Variants in ZNF578 observed in about 807,000 individuals in gnomAD.
ZNF578 encodes the protein zinc finger protein 578.
A neutral mutation model predicts 8.3 loss-of-function variants in ZNF578; 8 were observed. The observed-to-expected ratio is 0.96, with a 90% confidence interval of 0.56 to 1.74. The LOEUF is 1.74. Ranked by LOEUF, ZNF578 falls within the 40% of genes most tolerant of loss-of-function variation. The probability of loss-of-function intolerance (pLI) is 0.00; values close to 1 mark genes in which losing one functional copy is unlikely to be tolerated. For synonymous variants in ZNF578, 206 were observed against 232.2 expected (o/e 0.89, Z 1.03); for missense variants, 726 against 707.5 (o/e 1.03, Z -0.30).
chr19:52,475,396 G>T (rs1316351266), intron 2 of ZNF578, among the ~76,000 whole-genome samples: 4 of 149,158 alleles, frequency 2.7e-5, no homozygotes, highest in African/African-American at 9.9e-5. Context: ...CTGTCGCCCA[G>T]GCTGGAGTGC....
intron 2 of ZNF578, among the ~76,000 whole-genome samples, chr19:52,459,016 AT>A (rs2059248066): frequency 1.3e-5 from 2 of 152,058 alleles, no homozygotes; most frequent in Admixed American, 1.3e-4. Flanking sequence ...AAACTCATAT[AT>A]TTCTTTTGTG....
rs755505914 is a variant in ZNF578, at chr19:52,510,969, T to G, written c.588T>G (p.Ile196Met). The change falls in exon 6 of 6, where the codon ATT (isoleucine) becomes ATG (methionine). Residue 196 changes from isoleucine (I) to methionine (M), a missense_variant. Ile to Met is a conservative substitution (Grantham distance 10). Coordinates refer to ENST00000421239, the MANE Select transcript of ZNF578 (RefSeq NM_001099694.2). Reference sequence around the variant, plus strand: ...CCTCAATTTCAACATCCCAAAGAATTTCTTGTAGGCCTGAAACACATACTC... The same window carrying G: ...CCTCAATTTCAACATCCCAAAGAATGTCTTGTAGGCCTGAAACACATACTC... ...DASSISTSQRISCRPETHTPN... is the reference protein window; with the variant it reads ...DASSISTSQRMSCRPETHTPN... 6.2e-7 allele frequency: 1 copy of G among 1,614,154 alleles called. No individual in the cohort carries two copies. The highest frequency in any genetic ancestry group is 8.5e-7 in the Non-Finnish European group (1 of 1,180,028).
chr19:52,494,337 GA>G (rs927191014), intron 3 of ZNF578, among the ~76,000 whole-genome samples: 3 of 151,176 alleles, frequency 2.0e-5, no homozygotes, highest in Admixed American at 6.6e-5. Flanking sequence ...AAAAAAAAAA[GA>G]AAAAAAAATT....
At chr19:52,465,408 T>G (rs1599883265) in intron 2 of ZNF578, among the ~76,000 whole-genome samples, 1 of 152,286 alleles carries the variant, frequency 6.6e-6, no homozygotes, top group African/African-American at 2.4e-5. Context: ...CTCTGGACTC[T>G]CCTTTTGGCT....
At chr19:52,502,745 AAG>A (rs973859865) in intron 4 of ZNF578, among the ~76,000 whole-genome samples, 2 of 152,100 alleles carry the variant, frequency 1.3e-5, no homozygotes, top group Admixed American at 6.6e-5. Flanking sequence ...TCAAAAGAAA[AAG>A]AGAGGGAGAG....
chr19:52,510,934 A>G lies in ZNF578; in HGVS notation c.553A>G (p.Asn185Asp), dbSNP rs114520799. ...TGCTAATCAAGTGGAGAAGTCTGTCAACGATGCTTCCTCAATTTCAACATC... is the reference window on the plus strand; with the variant it reads ...TGCTAATCAAGTGGAGAAGTCTGTCGACGATGCTTCCTCAATTTCAACATC... ...KIANQVEKSV[N>D]DASSISTSQR... The change falls in exon 6 of 6, where the codon AAC becomes GAC. Residue 185 changes from asparagine (N) to aspartate (D), a missense_variant. By Grantham distance (23) the Asn-to-Asp change is conservative. Transcript: ENST00000421239. The G allele has an allele frequency of 1.5e-3, 2,421 of 1,614,212 alleles. 45 individuals carry two copies. In the African/African-American group the frequency reaches 0.029, roughly 19 times the overall value.
At chr19:52,475,320 C>G (rs1362248396) in intron 2 of ZNF578, 1 of 213,020 alleles carries the variant, frequency 4.7e-6, no homozygotes, top group African/African-American at 2.3e-5. Flanking sequence ...AGTTTTCACA[C>G]CAGAAGAAAT....
At chr19:52,479,867 A>T (rs886811033) in intron 2 of ZNF578, among the ~76,000 whole-genome samples, 4 of 152,186 alleles carry the variant, frequency 2.6e-5, no homozygotes, top group African/African-American at 9.7e-5. Flanking sequence ...CTAATGAAAT[A>T]TAATAGACAG....
chr19:52,511,144 G>A lies in ZNF578; in HGVS notation c.763G>A (p.Gly255Arg). 1 of 1,614,126 alleles carries A rather than the reference G, an allele frequency of 6.2e-7. No homozygotes were observed. Among genetic ancestry groups the A allele is most frequent in the Non-Finnish European group, 8.5e-7 (1 of 1,179,984 alleles). ...AAGGAAACATCAGATAATCCATTTA[G>A]GAGAAAAACAATATAAATTTGATAT... ...FVRKHQIIHL[G>R]EKQYKFDICG... The change falls in exon 6 of 6, where the codon GGA (glycine) becomes AGA (arginine). Residue 255 changes from glycine to arginine, a missense_variant. By Grantham distance (125) the Gly-to-Arg change is moderately radical. Transcript: ENST00000421239.
intron 2 of ZNF578, chr19:52,474,304 A>G (rs2059301337): frequency 6.8e-6 from 2 of 295,022 alleles, no homozygotes; most frequent in Non-Finnish European, 1.4e-5. Context: ...AAACTTTGCC[A>G]CATTCATTAC....
chr19:52,484,441 C>T (rs575100355), intron 2 of ZNF578, among the ~76,000 whole-genome samples: 4 of 152,174 alleles, frequency 2.6e-5, no homozygotes, highest in African/African-American at 4.8e-5. Context: ...TCCCTTCCCA[C>T]GAGGCCATAT....
intron 5 of ZNF578, among the ~76,000 whole-genome samples, chr19:52,508,526 G>A (rs543316013): frequency 6.6e-6 from 1 of 151,928 alleles, no homozygotes; most frequent in East Asian, 1.9e-4. Flanking sequence ...GACCGAGCGC[G>A]GTGGCTCTCG....
intron 5 of ZNF578, 104 bp downstream of exon 5, chr19:52,504,885 T>TTGTTTGAC: frequency 1.4e-6 from 2 of 1,425,684 alleles, no homozygotes. Context: ...CGTGGTTTTT[T>TTGTTTGAC]TGTTTGATTG....
chr19:52,506,578 A>C (rs937756081), intron 5 of ZNF578, among the ~76,000 whole-genome samples: 8 of 147,686 alleles, frequency 5.4e-5, no homozygotes, highest in Non-Finnish European at 1.2e-4. Flanking sequence ...GCAATCTCCT[A>C]CCTCAGCCTT....
Position 52,514,562 on chromosome 19 carries a change from G to A in ZNF578, c.*2408G>A, listed in dbSNP as rs932879883. ...CATTTTTTAAAATCTTGAGCTGGGAGCTATTTATTGTGTGTTTCCCTCAAG... is the reference window on the plus strand; with the variant it reads ...CATTTTTTAAAATCTTGAGCTGGGAACTATTTATTGTGTGTTTCCCTCAAG... On this transcript the variant is annotated 3_prime_UTR_variant, in exon 6 of 6. Coordinates refer to ENST00000421239, the MANE Select transcript of ZNF578 (RefSeq NM_001099694.2). Among the ~76,000 whole-genome samples the A allele has an allele frequency of 6.6e-6, 1 of 152,200 alleles. No individual in the cohort carries two copies. The highest frequency in any genetic ancestry group is 6.5e-5 in the Admixed American group (1 of 15,270).
intron 5 of ZNF578, among the ~76,000 whole-genome samples, chr19:52,506,118 T>C (rs1050736587): frequency 1.3e-5 from 2 of 152,120 alleles, no homozygotes; most frequent in African/African-American, 4.8e-5. Flanking sequence ...TAGGCTTCTT[T>C]TGATAGCCTG....
At chr19:52,494,459 T>G (rs2059378679) in intron 3 of ZNF578, among the ~76,000 whole-genome samples, 1 of 152,214 alleles carries the variant, frequency 6.6e-6, no homozygotes. Flanking sequence ...ATCATGCCAC[T>G]GTACTCCAGC....
At chr19:52,496,677 C>G (rs1438673812) in intron 3 of ZNF578, among the ~76,000 whole-genome samples, 1 of 151,648 alleles carries the variant, frequency 6.6e-6, no homozygotes, top group Non-Finnish European at 1.5e-5. Context: ...CTCGCTCTGT[C>G]ACCCAGGCTG....
chr19:52,474,927 G>A (rs779370401), intron 2 of ZNF578: 3 of 188,708 alleles, frequency 1.6e-5, no homozygotes, highest in Non-Finnish European at 3.6e-5. Flanking sequence ...CTAATACTCT[G>A]TAAGGTGTGA....
Sources: gnomAD v4.1 joint callset for allele counts (sites outside exome capture counted in the v4.1 genomes callset) on GRCh38, gnomAD v4.1.1 for gene constraint, MANE v1.5 for transcripts, NCBI Gene and HGNC (gene_info 2026-07-23, HGNC 2026-07-21) for gene names.